RBFOX1: variants seen among roughly 807,000 people sequenced by gnomAD.
RBFOX1 encodes the protein RNA binding protein fox-1 homolog 1.
Under a neutral mutation model 57.7 loss-of-function variants are expected in RBFOX1, and 8 were observed. The ratio of observed to expected loss-of-function variants is 0.14; its 90% CI spans 0.08 to 0.25. The LOEUF is 0.25. Ranked by LOEUF, RBFOX1 falls within the 10% of genes least tolerant of loss-of-function variation. RBFOX1 has a pLI of 1.00. For missense variants in RBFOX1, 611 were observed against 548.5 expected, an observed-to-expected ratio of 1.11 and a Z score of -1.14; for synonymous variants, 326 against 222.4, an observed-to-expected ratio of 1.47 and a Z score of -4.15.
At chr16:7,023,877 A>G (rs2040092604) in intron 3 of RBFOX1, among the ~76,000 whole-genome samples, 1 of 152,126 alleles carries the variant, frequency 6.6e-6, no homozygotes. Context: ...TTCCCACAGG[A>G]TCAAAGTATA....
At chr16:6,812,592 G>T (rs1000458547) in intron 3 of RBFOX1, among the ~76,000 whole-genome samples, 11 of 152,058 alleles carry the variant, frequency 7.2e-5, no homozygotes, top group Non-Finnish European at 1.5e-4. Flanking sequence ...GGCCAGACTG[G>T]TCTCAAACTC....
chr16:6,497,613 G>T (rs531205458), intron 2 of RBFOX1, among the ~76,000 whole-genome samples: 1 of 151,204 alleles, frequency 6.6e-6, no homozygotes, highest in South Asian at 2.1e-4. Flanking sequence ...CTGGACTGCA[G>T]TGGCGCGATC....
chr16:6,150,096 A>T (rs1283257186), intron 1 of RBFOX1, among the ~76,000 whole-genome samples: 1 of 152,172 alleles, frequency 6.6e-6, no homozygotes, highest in East Asian at 1.9e-4. Context: ...GATGATGAAA[A>T]ATCATGGCTT....
chr16:5,398,461 G>C (rs1471655395), intron 1 of RBFOX1, among the ~76,000 whole-genome samples: 1 of 151,882 alleles, frequency 6.6e-6, no homozygotes, highest in African/African-American at 2.4e-5. Flanking sequence ...GTATGTGTAT[G>C]CATGTGTGTG....
intron 2 of RBFOX1, among the ~76,000 whole-genome samples, chr16:6,651,053 C>T (rs1355913226): frequency 4.6e-5 from 7 of 152,142 alleles, no homozygotes. Context: ...CAGGCGTGCA[C>T]CAACAAGCCC....
intron 1 of RBFOX1, among the ~76,000 whole-genome samples, chr16:6,233,488 A>T (rs1432462208): frequency 6.6e-6 from 1 of 152,106 alleles, no homozygotes; most frequent in African/African-American, 2.4e-5. Flanking sequence ...AGGGACAGGG[A>T]GTTCACATTG....
chr16:6,045,580 T>A (rs1039960030), intron 1 of RBFOX1, among the ~76,000 whole-genome samples: 3 of 152,190 alleles, frequency 2.0e-5, no homozygotes, highest in African/African-American at 7.2e-5. Flanking sequence ...ACACCAGGCA[T>A]CTTTTCGGTG....
chr16:6,107,590 T>C (rs1233671035), intron 1 of RBFOX1, among the ~76,000 whole-genome samples: 7 of 152,054 alleles, frequency 4.6e-5, no homozygotes, highest in Non-Finnish European at 1.0e-4. Context: ...GATTAATACA[T>C]GTATGGATGC....
intron 4 of RBFOX1, among the ~76,000 whole-genome samples, chr16:5,983,569 C>T (rs1039141738): frequency 6.6e-6 from 1 of 152,168 alleles, no homozygotes; most frequent in African/African-American, 2.4e-5. Context: ...GAAACGCTAG[C>T]ACCCTGGGCA....
At chr16:5,569,093 G>A (rs989672985) in intron 2 of RBFOX1, among the ~76,000 whole-genome samples, 6 of 150,588 alleles carry the variant, frequency 4.0e-5, no homozygotes, top group African/African-American at 7.3e-5. Flanking sequence ...CTCATGATCC[G>A]CCCGCCTTGG....
chr16:7,010,784 C>G (rs530049068), intron 3 of RBFOX1, among the ~76,000 whole-genome samples: 10 of 152,216 alleles, frequency 6.6e-5, no homozygotes, highest in African/African-American at 2.4e-4. Context: ...AGGCTGGTCT[C>G]AAACTCCTGG....
chr16:6,525,359 A>T (rs537463038), intron 2 of RBFOX1, among the ~76,000 whole-genome samples: 1 of 152,164 alleles, frequency 6.6e-6, no homozygotes, highest in Non-Finnish European at 1.5e-5. Context: ...GTAGTTGAGT[A>T]CACTTCTCCT....
chr16:6,548,283 G>C (rs1303209141), intron 2 of RBFOX1, among the ~76,000 whole-genome samples: 13 of 152,168 alleles, frequency 8.5e-5, no homozygotes, highest in Non-Finnish European at 2.9e-5. Flanking sequence ...TAGTGTCCGA[G>C]ATCATTTGAA....
intron 4 of RBFOX1, among the ~76,000 whole-genome samples, chr16:7,369,994 C>G (rs770923020): frequency 2.6e-5 from 4 of 152,150 alleles, no homozygotes; most frequent in Non-Finnish European, 5.9e-5. Context: ...GCTTTCTGAT[C>G]CCAGAATTCA....
chr16:7,133,227 A>G (rs992620384), intron 4 of RBFOX1, among the ~76,000 whole-genome samples: 9 of 152,154 alleles, frequency 5.9e-5, no homozygotes, highest in Non-Finnish European at 1.2e-4. Flanking sequence ...TTAAAAAATT[A>G]TTTTCAATAT....
chr16:5,602,395 A>C (rs1034907), downstream of RBFOX1, among the ~76,000 whole-genome samples: 28,729 of 152,232 alleles, frequency 0.19, 3,001 homozygotes, highest in South Asian at 0.22. Flanking sequence ...TTTTAAAAAG[A>C]TGTACCCTCA....
At chr16:6,028,297 G>A (rs1019506137) in intron 1 of RBFOX1, among the ~76,000 whole-genome samples, 11 of 152,110 alleles carry the variant, frequency 7.2e-5, no homozygotes. Context: ...CCCAGTGGAG[G>A]GAAAATAGTC....
intron 4 of RBFOX1, among the ~76,000 whole-genome samples, chr16:5,958,869 C>T (rs72770959): frequency 0.022 from 3,335 of 152,302 alleles, 68 homozygotes; most frequent in Admixed American, 0.035. Context: ...GCTACCTCCT[C>T]TGGGGACCCT....
At chr16:7,103,033 C>G (rs1445905525) in intron 4 of RBFOX1, among the ~76,000 whole-genome samples, 1 of 150,476 alleles carries the variant, frequency 6.6e-6, no homozygotes, top group African/African-American at 2.5e-5. Context: ...ATTTGTCTAT[C>G]TATTTCCACA....
Sources: allele counts gnomAD v4.1 joint callset (sites outside exome capture counted in the v4.1 genomes callset), GRCh38; gene constraint gnomAD v4.1.1; transcripts MANE v1.5; gene names NCBI Gene and HGNC (gene_info 2026-07-23, HGNC 2026-07-21).